TM2D1: variants seen among roughly 807,000 people sequenced by gnomAD.
TM2D1 encodes TM2 domain containing 1.
A neutral mutation model predicts 28.4 loss-of-function variants in TM2D1; 15 were observed. That is an observed-to-expected ratio of 0.53 (90% CI 0.35 to 0.81). The LOEUF (loss-of-function observed/expected upper bound fraction) is 0.81. Among genes scored for constraint, TM2D1 ranks in the 40% least tolerant of loss-of-function variants. The pLI is 0.01. For missense variants in TM2D1, 236 were observed against 254.9 expected, an observed-to-expected ratio of 0.93 and a Z score of 0.50; for synonymous variants, 93 against 96.2, an observed-to-expected ratio of 0.97 and a Z score of 0.20.
chr1:61,713,235 T>C (rs1054638987), intron 2 of TM2D1, among the ~76,000 whole-genome samples: 2 of 151,596 alleles, frequency 1.3e-5, no homozygotes, highest in African/African-American at 2.4e-5. Flanking sequence ...CCCAGCACTT[T>C]GGGAGGCCGA....
intron 5 of TM2D1, among the ~76,000 whole-genome samples, chr1:61,692,960 A>C (rs1020669123): frequency 2.0e-5 from 3 of 152,156 alleles, no homozygotes; most frequent in African/African-American, 7.2e-5. Flanking sequence ...AAACAACTAG[A>C]GGCCAGGTGC....
In TM2D1 at chr1:61,715,315, C is replaced by A. The variant is rs375636767; in HGVS notation, c.239-5878G>T. Among the ~76,000 whole-genome samples the A allele has an allele frequency of 2.2e-4, 33 of 152,150 alleles. No homozygotes were observed. The South Asian group carries it at 5.0e-3, about 23-fold the overall frequency. ...CAAGAAAAATAAAACCTCTCTGAAT[C>A]GTGTTTCCAATCTGTGACATGGGAC... On this transcript the variant is annotated intron_variant, in intron 2 of 6. Transcript: ENST00000606498.
intron 3 of TM2D1, among the ~76,000 whole-genome samples, chr1:61,703,889 T>C (rs1391213073): frequency 2.0e-5 from 3 of 151,510 alleles, no homozygotes; most frequent in African/African-American, 4.9e-5. Flanking sequence ...CCTGAGTAGC[T>C]GGGATTACAG....
In TM2D1 at chr1:61,725,124, G is replaced by A; in HGVS notation, c.-4C>T. ...CAGACGGCCAGGCGGCCGCCATCTT[G>A]GAGACCGACACTTTCTCGCCACTTC... On this transcript the variant is annotated 5_prime_UTR_variant, in exon 1 of 7. Coordinates refer to ENST00000606498, the MANE Select transcript of TM2D1 (RefSeq NM_032027.3). The A allele has an allele frequency of 1.2e-6, 2 of 1,613,552 alleles. No homozygotes were observed. Among genetic ancestry groups the A allele is most frequent in the Non-Finnish European group, 1.7e-6 (2 of 1,179,858 alleles).
At chr1:61,710,334 G>C (rs1644467907) in intron 2 of TM2D1, among the ~76,000 whole-genome samples, 2 of 149,586 alleles carry the variant, frequency 1.3e-5, no homozygotes, top group South Asian at 4.2e-4. Context: ...GCTGAGGTGA[G>C]AGGATCACTT....
At chr1:61,711,875 A>T (rs959247100) in intron 2 of TM2D1, among the ~76,000 whole-genome samples, 1 of 152,098 alleles carries the variant, frequency 6.6e-6, no homozygotes, top group Non-Finnish European at 1.5e-5. Flanking sequence ...TATGTCACTG[A>T]AAGGAGATCA....
At chr1:61,686,848 AGGAATTC>A (rs1195749578) in intron 5 of TM2D1, 1 of 958,242 alleles carries the variant, frequency 1.0e-6, no homozygotes, top group Non-Finnish European at 1.2e-6. Context: ...GTTTGAACCC[AGGAATTC>A]GAGGCTGCAA....
At chr1:61,688,030 T>A (rs1420629913) in intron 5 of TM2D1, among the ~76,000 whole-genome samples, 1 of 152,230 alleles carries the variant, frequency 6.6e-6, no homozygotes, top group Non-Finnish European at 1.5e-5. Flanking sequence ...TAATTAAGCA[T>A]CAAAATTCCT....
chr1:61,697,153 T>A (rs898755072), intron 4 of TM2D1, among the ~76,000 whole-genome samples: 4 of 152,160 alleles, frequency 2.6e-5, no homozygotes, highest in African/African-American at 9.6e-5. Context: ...ACTAAAATCA[T>A]CCTTTGCCTT....
intron 2 of TM2D1, among the ~76,000 whole-genome samples, chr1:61,712,250 T>G (rs935786191): frequency 3.3e-5 from 5 of 152,122 alleles, no homozygotes; most frequent in African/African-American, 1.2e-4. Flanking sequence ...AGCACTGAGG[T>G]TGAGAAACCC....
At chr1:61,721,540 TCAA>T (rs1644564682) in intron 2 of TM2D1, among the ~76,000 whole-genome samples, 1 of 49,098 alleles carries the variant, frequency 2.0e-5, no homozygotes. Flanking sequence ...AGACTCTGTC[TCAA>T]AAAAAAAAAA....
Position 61,687,008 on chromosome 1 carries a change from G to A in TM2D1, c.514-3462C>T, listed in dbSNP as rs1644290024. ...TGTCCATTTGTCCATAGGCAACAGA[G>A]TATGGAACCCAAAATTATGAGTTTA... On this transcript the variant is annotated intron_variant, in intron 5 of 6. Coordinates refer to ENST00000606498, the MANE Select transcript of TM2D1 (RefSeq NM_032027.3). The A allele has an allele frequency of 4.1e-6, 4 of 982,068 alleles. No homozygotes were observed. The South Asian group carries it at 1.9e-4, about 46-fold the overall frequency. The allele number at this position is 982,068 out of a possible 1,614,324, so 60.8% of individuals were successfully genotyped here.
chr1:61,687,838 G>A (rs753464929), intron 5 of TM2D1, among the ~76,000 whole-genome samples: 6 of 152,176 alleles, frequency 3.9e-5, no homozygotes, highest in Non-Finnish European at 8.8e-5. Flanking sequence ...CCAATCTGGT[G>A]ATAAAAGTAA....
rs1307638833 is a variant in TM2D1, at chr1:61,681,360, AAAG to A, written c.*20-13_*20-11del. 6.6e-6 allele frequency: 1 copy of A among 152,258 alleles called. No individual in the cohort carries two copies. The highest frequency in any genetic ancestry group is 2.4e-5 in the African/African-American group (1 of 41,476). The allele number at this position is 152,258 out of a possible 1,614,324, so 9.4% of individuals were successfully genotyped here. ...CAAGGAGGCTCAAATCCTAAAACAG[AAAG>A]AAGAAATACGTTAAAACACAATATT... On this transcript the variant is annotated splice_polypyrimidine_tract_variant and intron_variant, in intron 6 of 6. Transcript: ENST00000606498.
chr1:61,709,459 A>G (rs1446858036), intron 2 of TM2D1, 22 bp from the exon 3 acceptor site: 1 of 1,553,500 alleles, frequency 6.4e-7, no homozygotes, highest in South Asian at 1.1e-5. Flanking sequence ...AAAAGTCAAG[A>G]AACTGTTATT....
intron 3 of TM2D1, among the ~76,000 whole-genome samples, chr1:61,703,411 T>A (rs1644417285): frequency 7.2e-6 from 1 of 139,088 alleles, no homozygotes; most frequent in Non-Finnish European, 1.5e-5. Context: ...ATGTTTCACA[T>A]AATTTTTTTT....
chr1:61,725,097 A>G lies in TM2D1; in HGVS notation c.24T>C (p.Gly8=). Residue 8 remains glycine, a synonymous_variant, in exon 1 of 7, where the codon GGT becomes GGC. Transcript: ENST00000606498. MAAAWPS[G]PSAPEAVTAR... is the part of the protein sequence containing the mutation. ...CCGTCACGGCCTCCGGAGCAGACGG[A>G]CCAGACGGCCAGGCGGCCGCCATCT... 1 of 1,613,688 alleles carries G rather than the reference A, an allele frequency of 6.2e-7. No homozygotes were observed. Among genetic ancestry groups the G allele is most frequent in the Admixed American group, 1.7e-5 (1 of 60,024 alleles).
At chr1:61,690,331 C>T (rs913636264) in intron 5 of TM2D1, among the ~76,000 whole-genome samples, 2 of 151,688 alleles carry the variant, frequency 1.3e-5, no homozygotes, top group Non-Finnish European at 2.9e-5. Context: ...GTGGTTGGCA[C>T]CTGTAATCCT....
At chr1:61,684,169 CAT>C (rs1346689716) in intron 5 of TM2D1, among the ~76,000 whole-genome samples, 1 of 152,306 alleles carries the variant, frequency 6.6e-6, no homozygotes, top group East Asian at 1.9e-4. Context: ...CACTTAATCA[CAT>C]ATGTGACAAT....
Sources: allele counts gnomAD v4.1 joint callset (sites outside exome capture counted in the v4.1 genomes callset), GRCh38; gene constraint gnomAD v4.1.1; transcripts MANE v1.5; gene names NCBI Gene and HGNC (gene_info 2026-07-23, HGNC 2026-07-21).